Variants in FUOM observed in about 807,000 individuals in gnomAD.
FUOM encodes the protein protein fucU homolog.
A neutral mutation model predicts 18.3 loss-of-function variants in FUOM; 19 were observed. The ratio of observed to expected loss-of-function variants is 1.04; its 90% confidence interval spans 0.73 to 1.53. FUOM has a LOEUF of 1.53. Among genes scored for constraint, FUOM ranks in the 40% most tolerant of loss-of-function variants. The pLI is 0.00. For missense variants in FUOM, 210 were observed against 200.9 expected (o/e 1.04, Z -0.27); for synonymous variants, 102 against 87.9 (o/e 1.16, Z -0.90).
chr10:133,357,466 G>A (rs753351700), intron 1 of FUOM: 4 of 616,634 alleles, frequency 6.5e-6, no homozygotes, highest in Admixed American at 5.4e-5. Flanking sequence ...TCCCTGCCTG[G>A]GAGGCAGAGA....
At chr10:133,357,856 C>A in intron 1 of FUOM, 67 bp downstream of exon 1, 3 of 1,373,072 alleles carry the variant, frequency 2.2e-6, no homozygotes, top group Admixed American at 2.2e-5. Flanking sequence ...CCCGGGGGTC[C>A]CCGTGCAAGC....
At chr10:133,355,015 C>G, downstream of FUOM, 1 of 297,280 alleles carries the variant, frequency 3.4e-6, no homozygotes, top group Non-Finnish European at 6.4e-6. Context: ...GTCCCCAGGG[C>G]ACCAGGCACC....
downstream of FUOM, among the ~76,000 whole-genome samples, chr10:133,354,369 G>C (rs912557830): frequency 6.6e-6 from 1 of 152,164 alleles, no homozygotes; most frequent in Non-Finnish European, 1.5e-5. Context: ...CCACATCTCA[G>C]CCGGGGTGGG....
intron 1 of FUOM, 159 bp from the exon 2 acceptor site, chr10:133,357,414 C>A (rs1848844736): frequency 2.8e-6 from 2 of 723,974 alleles, no homozygotes; most frequent in Non-Finnish European, 4.8e-6. Flanking sequence ...GCAGTCAGAT[C>A]CGCAGGGCTG....
At chr10:133,352,803 G>A (rs10857705), downstream of FUOM, 188,592 of 215,322 alleles carry the variant, frequency 0.88, 86,396 homozygotes, top group South Asian at 0.98. Context: ...CAGGCTGGGC[G>A]ACAGAGCAAG....
At chr10:133,356,495 G>A (rs1338419032) in intron 4 of FUOM, 145 bp downstream of exon 4, 2 of 523,774 alleles carry the variant, frequency 3.8e-6, no homozygotes, top group Non-Finnish European at 6.6e-6. Context: ...TGGTGAAGGA[G>A]TGCCAGTGGT....
Position 133,355,823 on chromosome 10 carries a change from A to T in FUOM, c.325-12T>A. On this transcript the variant is annotated splice_polypyrimidine_tract_variant and intron_variant, in intron 4 of 5. Coordinates refer to ENST00000278025, the MANE Select transcript of FUOM (RefSeq NM_001098483.3). ...TTTGCCAGGGCTCTCTGGAAGACAA[A>T]ATGGCAGGGTTGGAGGGAACCCTGC... The T allele has an allele frequency of 6.2e-7, 1 of 1,611,556 alleles. No homozygotes were observed. The highest frequency in any genetic ancestry group is 8.5e-7 in the Non-Finnish European group (1 of 1,178,766).
Position 133,358,000 on chromosome 10 carries a change from G to T in FUOM, c.8C>A (p.Ala3Glu). 1 of 1,502,546 alleles carries T rather than the reference G, an allele frequency of 6.7e-7. No homozygotes were observed. Among genetic ancestry groups the T allele is most frequent in the Non-Finnish European group, 8.8e-7 (1 of 1,130,504 alleles). The allele number at this position is 1,502,546 out of a possible 1,614,324, so 93.1% of individuals were successfully genotyped here. A position where few individuals can be genotyped will look rare whatever the true frequency, so the allele number is the denominator to read the frequency against. Residue 3 changes from alanine to glutamate, a missense_variant, in exon 1 of 6, where the codon GCG (alanine) becomes GAG (glutamate). Physicochemically the swap from Ala to Glu is moderately radical, Grantham distance 107. Coordinates refer to ENST00000278025, the MANE Select transcript of FUOM (RefSeq NM_001098483.3). The part of the protein sequence containing the change: MV[A>E]LKGVPALLSP... ...CAGCAGTGCGGGGACACCCTTCAGCGCCACCATGGCCCGGCAGACGGGGCG... is the reference window on the plus strand; with the variant it reads ...CAGCAGTGCGGGGACACCCTTCAGCTCCACCATGGCCCGGCAGACGGGGCG...
rs117812095 is a variant in FUOM, at chr10:133,355,210, T to G, written c.*160A>C. Reference sequence around the variant, plus strand: ...CATCATTTTCACAAATCAGGGATACTCGTCCCAATTGGCAGGGCCCACCCC... The same window carrying G: ...CATCATTTTCACAAATCAGGGATACGCGTCCCAATTGGCAGGGCCCACCCC... On this transcript the variant is annotated 3_prime_UTR_variant, in exon 6 of 6. Coordinates refer to ENST00000278025, the MANE Select transcript of FUOM (RefSeq NM_001098483.3). 1,998 of 683,488 alleles carry G rather than the reference T, an allele frequency of 2.9e-3. 6 individuals are homozygous for G. Among genetic ancestry groups the G allele is most frequent in the Middle Eastern group, 0.017 (41 of 2,442 alleles). The allele number at this position is 683,488 out of a possible 1,614,324, so 42.3% of individuals were successfully genotyped here. A position where few individuals can be genotyped will look rare whatever the true frequency, so the allele number is the denominator to read the frequency against.
At chr10:133,355,599 A>G in intron 5 of FUOM, 139 bp downstream of exon 5, 1 of 1,582,800 alleles carries the variant, frequency 6.3e-7, no homozygotes, top group Non-Finnish European at 8.7e-7. Context: ...TGGTCTCTCC[A>G]CTCTGTGGGA....
downstream of FUOM, among the ~76,000 whole-genome samples, chr10:133,353,721 G>T (rs1003392717): frequency 6.6e-6 from 1 of 152,164 alleles, no homozygotes; most frequent in African/African-American, 2.4e-5. Context: ...AGCTGGAGAG[G>T]CCAGTGACCT....
Position 133,355,627 on chromosome 10 carries a change from G to A in FUOM, c.398+111C>T, listed in dbSNP as rs1848768058. ...CTGTGGGACGTCTAGCCTCAGCCAG[G>A]CAGAAGCTGAGAAGAGGGTAGGGGC... On this transcript the variant is annotated intron_variant, in intron 5 of 5. Transcript: ENST00000278025. 6 of 1,558,132 alleles carry A rather than the reference G, an allele frequency of 3.9e-6. No homozygotes were observed. The South Asian group carries it at 4.4e-5, about 12-fold the overall frequency.
At chr10:133,357,362 G>A (rs1006821451) in intron 1 of FUOM, 107 bp from the exon 2 acceptor site, 10 of 1,160,218 alleles carry the variant, frequency 8.6e-6, no homozygotes, top group Middle Eastern at 1.9e-4. Context: ...GTCACAAGAG[G>A]TCTCAGGTCA....
At position 133,357,911 on chromosome 10, in the gene FUOM, C is replaced by G. The variant is rs1487787917; in HGVS notation, c.85+12G>C. ...CGGGGTGCTCCCCGAGGCCCCGGCC[C>G]GCTGCGCTCACCGATCTCGTCCCCG... On this transcript the variant is annotated intron_variant, in intron 1 of 5. Coordinates refer to ENST00000278025, the MANE Select transcript of FUOM (RefSeq NM_001098483.3). 2.2e-5 allele frequency: 34 copies of G among 1,521,086 alleles called. No homozygotes were observed. Among genetic ancestry groups the G allele is most frequent in the Non-Finnish European group, 2.4e-5 (27 of 1,138,508 alleles). 94.2% of individuals were successfully genotyped at this position (1,521,086 alleles called of 1,614,324 possible).
At position 133,357,265 on chromosome 10, in the gene FUOM, C is replaced by T. The variant is rs1403197765; in HGVS notation, c.86-10G>A. 3.2e-6 allele frequency: 5 copies of T among 1,568,772 alleles called. No individual in the cohort carries two copies. The African/African-American group carries it at 4.1e-5, about 13-fold the overall frequency. On this transcript the variant is annotated splice_polypyrimidine_tract_variant and intron_variant, in intron 1 of 5. Coordinates refer to ENST00000278025, the MANE Select transcript of FUOM (RefSeq NM_001098483.3). ...TTCAAGTCCGCAAGAACTAAACAGC[C>T]GGGAGGACAGCCCGTGTCGGCACCT...
intron 3 of FUOM, 47 bp downstream of exon 3, chr10:133,356,895 GA>G (rs1281517150): frequency 6.5e-7 from 1 of 1,533,942 alleles, no homozygotes; most frequent in Admixed American, 2.0e-5. Flanking sequence ...CGCAAAAGGG[GA>G]AACTGAGGCA....
rs775438419 is a variant in FUOM at position 133,357,185 on chromosome 10, A to G, written c.154+2T>C. 1.3e-6 allele frequency: 2 copies of G among 1,569,804 alleles called. No individual in the cohort carries two copies. The highest frequency in any genetic ancestry group is 1.4e-5 in the African/African-American group (1 of 73,708). ...GCCCTGGGGGACCTGGGGCTCGCTC[A>G]CCGTCTGCACGGATCTCCATGGGCC... On this transcript the variant is annotated splice_donor_variant, in intron 2 of 5. Transcript: ENST00000278025. LOFTEE classifies it high-confidence loss of function.
chr10:133,357,858 C>T, intron 1 of FUOM, 65 bp downstream of exon 1: 1 of 1,390,090 alleles, frequency 7.2e-7, no homozygotes, highest in Non-Finnish European at 9.7e-7. Context: ...CGGGGGTCCC[C>T]GTGCAAGCCT....
In FUOM at chr10:133,356,976, C is replaced by T; in HGVS notation, c.192G>A (p.Lys64=). ...GIPQLLEAVL[K]LLPLDTYVES... ...CCACATAGGTGTCCAGGGGCAGCAG[C>T]TTCAGCACGGCCTCCAGGAGCTGCG... The change falls in exon 3 of 6, where the codon AAG becomes AAA. Residue 64 remains lysine (K), a synonymous_variant. Coordinates refer to ENST00000278025, the MANE Select transcript of FUOM (RefSeq NM_001098483.3). The T allele has an allele frequency of 6.5e-7, 1 of 1,550,308 alleles. No homozygotes were observed. The highest frequency in any genetic ancestry group is 8.7e-7 in the Non-Finnish European group (1 of 1,146,968).
Sources: allele counts gnomAD v4.1 joint callset (sites outside exome capture counted in the v4.1 genomes callset), GRCh38; gene constraint gnomAD v4.1.1; transcripts MANE v1.5; gene names NCBI Gene and HGNC (gene_info 2026-07-23, HGNC 2026-07-21).